Variants in CRTC1 observed in about 807,000 individuals in gnomAD.
The protein encoded by CRTC1 is CREB-regulated transcription coactivator 1.
Under a neutral mutation model 66.1 loss-of-function variants are expected in CRTC1, and 18 were observed. That is an observed-to-expected ratio of 0.27 (90% confidence interval 0.19 to 0.40). CRTC1 has a LOEUF of 0.40. Among genes scored for constraint, CRTC1 ranks in the 10% least tolerant of loss-of-function variants. CRTC1 has a pLI of 1.00. For missense variants in CRTC1, 669 were observed against 887.9 expected, an observed-to-expected ratio of 0.75 and a Z score of 3.13; for synonymous variants, 416 against 398.8, an observed-to-expected ratio of 1.04 and a Z score of -0.51.
intron 13 of CRTC1, among the ~76,000 whole-genome samples, chr19:18,776,558 G>A (rs2054993236): frequency 6.6e-6 from 1 of 152,188 alleles, no homozygotes; most frequent in African/African-American, 2.4e-5. Context: ...CCCACCCCTC[G>A]GGTGTAGGCA....
chr19:18,736,123 T>A (rs2053991421), intron 1 of CRTC1, among the ~76,000 whole-genome samples: 1 of 152,190 alleles, frequency 6.6e-6, no homozygotes, highest in African/African-American at 2.4e-5. Context: ...CATGGGAGGA[T>A]GAAGGCTCTT....
intron 1 of CRTC1, among the ~76,000 whole-genome samples, chr19:18,721,841 G>A (rs1455184386): frequency 6.6e-6 from 1 of 152,146 alleles, no homozygotes; most frequent in Admixed American, 6.6e-5. Flanking sequence ...CATAGATGGC[G>A]GGGTTAGGAC....
chr19:18,703,946 A>G (rs2053203800), intron 1 of CRTC1, among the ~76,000 whole-genome samples: 1 of 152,066 alleles, frequency 6.6e-6, no homozygotes, highest in Non-Finnish European at 1.5e-5. Flanking sequence ...CCAATCTGTG[A>G]TGGTTCCTCA....
intron 10 of CRTC1, among the ~76,000 whole-genome samples, chr19:18,769,127 G>T (rs1193910264): frequency 6.6e-6 from 1 of 152,216 alleles, no homozygotes; most frequent in Non-Finnish European, 1.5e-5. Context: ...GAAGAGTACG[G>T]CGTTCTCAGG....
At chr19:18,733,718 G>C (rs1251267508) in intron 1 of CRTC1, among the ~76,000 whole-genome samples, 1 of 152,214 alleles carries the variant, frequency 6.6e-6, no homozygotes. Flanking sequence ...GGGGACCCAC[G>C]GCATGGAGGG....
At chr19:18,689,295 A>C (rs572449320) in intron 1 of CRTC1, among the ~76,000 whole-genome samples, 2 of 151,430 alleles carry the variant, frequency 1.3e-5, no homozygotes, top group Non-Finnish European at 2.9e-5. Context: ...TGGACATTTC[A>C]TATCAATAGA....
rs1402696737 is a variant in CRTC1 at position 18,683,833 on chromosome 19, G to T, written c.126+5G>T. On this transcript the variant is annotated splice_donor_5th_base_variant and intron_variant, in intron 1 of 13. Transcript: ENST00000321949. The stretch of plus-strand genomic sequence containing the variant: ...AGCCTGACGCGGGCCGCGCGGGTAA[G>T]GGGGCTGCCCGCGCCGACCCTTCAG... The T allele has an allele frequency of 2.4e-6, 3 of 1,268,748 alleles. No homozygotes were observed. Among genetic ancestry groups the T allele is most frequent in the Admixed American group, 5.5e-5 (2 of 36,650 alleles). The allele number at this position is 1,268,748 out of a possible 1,614,324, so 78.6% of individuals were successfully genotyped here. A position where few individuals can be genotyped will look rare whatever the true frequency, so the allele number is the denominator to read the frequency against.
At chr19:18,739,030 T>C (rs2054057299) in intron 1 of CRTC1, among the ~76,000 whole-genome samples, 1 of 152,048 alleles carries the variant, frequency 6.6e-6, no homozygotes, top group African/African-American at 2.4e-5. Flanking sequence ...AGCAGGGCCC[T>C]CCAAATCGCC....
chr19:18,771,542 C>T lies in CRTC1; in HGVS notation c.1421C>T (p.Pro474Leu), dbSNP rs1395812028. 1 of 1,612,050 alleles carries T rather than the reference C, an allele frequency of 6.2e-7. No homozygotes were observed. Among genetic ancestry groups the T allele is most frequent in the Non-Finnish European group, 8.5e-7 (1 of 1,178,992 alleles). Residue 474 changes from proline to leucine, a missense_variant, in exon 11 of 14, where the codon CCG (proline) becomes CTG (leucine). By Grantham distance (98) the Pro-to-Leu change is moderately conservative. Coordinates refer to ENST00000321949, the MANE Select transcript of CRTC1 (RefSeq NM_015321.3). This position sits in a 1 kb window ranked among gnomAD's most constrained non-coding sequence, Gnocchi z 4.6. Reference protein sequence around the residue: ...SNQGFSPGSSPQHTSTLGSVF... With the variant: ...SNQGFSPGSSLQHTSTLGSVF... ...CAAGGCTTCTCCCCAGGGAGCTCCC[C>T]GCAAGTAAGGGGCGCCGCCTCCCCC... is the stretch of plus-strand genomic sequence containing the variant.
chr19:18,687,207 G>A (rs2052705676), intron 1 of CRTC1, among the ~76,000 whole-genome samples: 1 of 151,870 alleles, frequency 6.6e-6, no homozygotes, highest in South Asian at 2.1e-4. Context: ...GCAGAGATGG[G>A]GTTTGTAGTA....
chr19:18,691,123 G>T (rs1426792878), intron 1 of CRTC1, among the ~76,000 whole-genome samples: 1 of 150,724 alleles, frequency 6.6e-6, no homozygotes, highest in African/African-American at 2.4e-5. Context: ...GATTGTTTGA[G>T]CCCAGGAGTT....
rs757937885 is a variant in CRTC1, at chr19:18,774,907, C to T, written c.1433C>T (p.Ser478Phe). The T allele has an allele frequency of 6.2e-7, 1 of 1,610,942 alleles. No individual in the cohort carries two copies. The highest frequency in any genetic ancestry group is 8.5e-7 in the Non-Finnish European group (1 of 1,179,962). Residue 478 changes from serine (S) to phenylalanine (F), a missense_variant, in exon 12 of 14, where the codon TCC becomes TTC. By Grantham distance (155) the Ser-to-Phe change is radical (BLOSUM62 -2). Around this residue, in one of 8 missense-constraint regions of CRTC1, gnomAD observed 79 missense variants for 100.1 expected, o/e 0.79. Coordinates refer to ENST00000321949, the MANE Select transcript of CRTC1 (RefSeq NM_015321.3). ...FSPGSSPQHTSTLGSVFGDAY... is the reference protein window; with the variant it reads ...FSPGSSPQHTFTLGSVFGDAY... ...CCTCTCTTCTGTCTGCAGCACACTTCCACCCTGGGCAGCGTGTTTGGGGAC... is the reference window on the plus strand; with the variant it reads ...CCTCTCTTCTGTCTGCAGCACACTTTCACCCTGGGCAGCGTGTTTGGGGAC...
chr19:18,745,722 T>G (rs1339636025), intron 2 of CRTC1, 101 bp from the exon 3 acceptor site: 1 of 1,474,950 alleles, frequency 6.8e-7, no homozygotes, highest in East Asian at 2.3e-5. Context: ...TGCTCCAGAG[T>G]GGGGGGCCCT....
chr19:18,743,488 A>G (rs535056742), intron 2 of CRTC1, among the ~76,000 whole-genome samples: 5 of 152,338 alleles, frequency 3.3e-5, no homozygotes, highest in Admixed American at 1.3e-4. Context: ...TATCGTAAAC[A>G]GGAGATAAGG....
At position 18,771,866 on chromosome 19, in the gene CRTC1, C is replaced by T. The variant is rs947401418; in HGVS notation, c.1425+320C>T. 9.9e-5 allele frequency among the ~76,000 whole-genome samples: 15 copies of T among 152,210 alleles called. No homozygotes were observed. Among genetic ancestry groups the T allele is most frequent in the African/African-American group, 3.4e-4 (14 of 41,450 alleles). The stretch of plus-strand genomic sequence containing the variant: ...AGTGGCCCAGGGACAATGCCCTCCA[C>T]ACCCAGTGTGTCACCCAGAGCATGA... On this transcript the variant is annotated intron_variant, in intron 11 of 13. Transcript: ENST00000321949. The surrounding 1 kb of genome is among the most constrained non-coding windows in gnomAD (Gnocchi z 4.6).
chr19:18,777,069 C>G lies in CRTC1; in HGVS notation c.1694-102C>G, dbSNP rs2055004972. 4.3e-6 allele frequency: 3 copies of G among 696,488 alleles called. No individual in the cohort carries two copies. In the South Asian group the frequency reaches 4.9e-5, roughly 11 times the overall value. The allele number at this position is 696,488 out of a possible 1,614,324, so 43.1% of individuals were successfully genotyped here. A position where few individuals can be genotyped will look rare whatever the true frequency, so the allele number is the denominator to read the frequency against. On this transcript the variant is annotated intron_variant, in intron 13 of 13. Coordinates refer to ENST00000321949, the MANE Select transcript of CRTC1 (RefSeq NM_015321.3). This position sits in a 1 kb window ranked among gnomAD's most constrained non-coding sequence, Gnocchi z 5.5. ...TGTCCCCAGACATTGCCAGCATACC[C>G]AGGGGACAGAGTCGCCCGGCGGGCA...
At chr19:18,688,176 C>T (rs2052734767) in intron 1 of CRTC1, among the ~76,000 whole-genome samples, 1 of 152,040 alleles carries the variant, frequency 6.6e-6, no homozygotes, top group Non-Finnish European at 1.5e-5. Context: ...AAGCAGACGC[C>T]CTCAGAAGGT....
At chr19:18,756,555 T>C (rs2054492894) in intron 6 of CRTC1, among the ~76,000 whole-genome samples, 1 of 150,932 alleles carries the variant, frequency 6.6e-6, no homozygotes, top group African/African-American at 2.4e-5. Flanking sequence ...GAGGATCACT[T>C]GAGCCCAGGA....
chr19:18,712,920 A>G (rs1258316553), intron 1 of CRTC1, among the ~76,000 whole-genome samples: 1 of 151,546 alleles, frequency 6.6e-6, no homozygotes, highest in East Asian at 1.9e-4. Context: ...AGATCGTGCC[A>G]CTGCACTCCA....
Sources: allele counts gnomAD v4.1 joint callset (sites outside exome capture counted in the v4.1 genomes callset), GRCh38; gene constraint gnomAD v4.1.1; regional missense constraint gnomAD v4.1.1; non-coding constraint Gnocchi (gnomAD v3.1); transcripts MANE v1.5; gene names NCBI Gene and HGNC (gene_info 2026-07-23, HGNC 2026-07-21).